STS: variants seen among roughly 807,000 people sequenced by gnomAD.
The protein encoded by STS is steroid sulfatase.
A neutral mutation model predicts 26.8 loss-of-function variants in STS; 7 were observed. The observed-to-expected ratio is 0.26, with a 90% CI of 0.15 to 0.49. The LOEUF (loss-of-function observed/expected upper bound fraction) is 0.49, where lower values mean the gene tolerates loss of function less well. STS is among the 20% of genes least tolerant of loss of function. The pLI is 0.98. For missense variants in STS, 434 were observed against 465.6 expected (o/e 0.93, Z 0.63); for synonymous variants, 199 against 189.4 (o/e 1.05, Z -0.42).
At chrX:7,324,853 G>A (rs765091154) in intron 8 of STS, among the ~76,000 whole-genome samples, 1 of 111,742 alleles carries the variant, frequency 8.9e-6, no homozygotes, top group South Asian at 3.8e-4. Context: ...AGACAATGCA[G>A]GGTAATCTCC....
intron 7 of STS, among the ~76,000 whole-genome samples, chrX:7,288,753 G>T (rs757589291): frequency 2.8e-5 from 3 of 108,552 alleles, no homozygotes; most frequent in African/African-American, 1.0e-4. Flanking sequence ...ACTCTTGGCT[G>T]GTGTGGGACC....
intron 10 of STS, among the ~76,000 whole-genome samples, chrX:7,339,882 A>G (rs1432630758): frequency 9.0e-6 from 1 of 110,771 alleles, no homozygotes; most frequent in African/African-American, 3.3e-5. Context: ...GTATCAGACA[A>G]TATTTGAGAT....
intron 1 of STS, among the ~76,000 whole-genome samples, chrX:7,183,032 G>A (rs1488383337): frequency 3.6e-5 from 4 of 111,975 alleles, no homozygotes; most frequent in South Asian, 3.7e-4. Context: ...GTGAAGACAC[G>A]CAGCACAAAT....
intron 1 of STS, among the ~76,000 whole-genome samples, chrX:7,164,717 A>C (rs1455513775): frequency 9.1e-6 from 1 of 110,478 alleles, no homozygotes; most frequent in Non-Finnish European, 1.9e-5. Flanking sequence ...AAAAAAAGAA[A>C]ACAAAAGTAC....
At chrX:7,192,441 G>T (rs1415242104) in intron 2 of STS, among the ~76,000 whole-genome samples, 1 of 111,588 alleles carries the variant, frequency 9.0e-6, no homozygotes, top group Non-Finnish European at 1.9e-5. Context: ...CCATGCACCT[G>T]TAGTACCAGC....
chrX:7,241,619 T>C (rs887517049), intron 2 of STS, among the ~76,000 whole-genome samples: 14 of 112,310 alleles, frequency 1.2e-4, no homozygotes, highest in African/African-American at 4.2e-4. Context: ...GGGAGCTTTT[T>C]TCTCGTCCTC....
At chrX:7,183,188 G>A (rs1465735339) in intron 1 of STS, among the ~76,000 whole-genome samples, 6 of 111,172 alleles carry the variant, frequency 5.4e-5, no homozygotes, top group African/African-American at 1.6e-4. Flanking sequence ...ATGTACTTTT[G>A]CACAGGTCTT....
intron 2 of STS, among the ~76,000 whole-genome samples, chrX:7,204,595 T>C (rs1184864926): frequency 1.1e-5 from 1 of 93,826 alleles, no homozygotes; most frequent in African/African-American, 3.9e-5. Context: ...CTCCTTTCTC[T>C]CCATCTTCTT....
At chrX:7,294,215 A>G (rs1186694503) in intron 7 of STS, among the ~76,000 whole-genome samples, 2 of 111,198 alleles carry the variant, frequency 1.8e-5, no homozygotes, top group African/African-American at 6.5e-5. Context: ...CCTGAAACTA[A>G]TATTATCTTA....
At chrX:7,313,444 A>G (rs1208052089) in intron 8 of STS, among the ~76,000 whole-genome samples, 1 of 112,229 alleles carries the variant, frequency 8.9e-6, no homozygotes, top group Non-Finnish European at 1.9e-5. Context: ...TTATTGTGAG[A>G]GAAAAATAGT....
rs1927388748 is a variant in STS, at chrX:7,325,445, G to A, written c.1188G>A (p.Met396Ile). 1 of 1,211,462 alleles carries A rather than the reference G, an allele frequency of 8.3e-7. No homozygotes were observed. Among genetic ancestry groups the A allele is most frequent in the Non-Finnish European group, 1.1e-6 (1 of 895,341 alleles). The change falls in exon 9 of 11, where the codon ATG becomes ATA. Residue 396 changes from methionine to isoleucine, a missense_variant. Physicochemically the swap from Met to Ile is conservative, Grantham distance 10. Transcript: ENST00000674429. ...AGATTGATGAGCCCACTAGCAACAT[G>A]GACATATTTCCTACAGTAGCCAAGC... ...GQKIDEPTSNMDIFPTVAKLA... is the reference protein window; with the variant it reads ...GQKIDEPTSNIDIFPTVAKLA...
At chrX:7,246,751 A>G (rs2147074986) in intron 2 of STS, among the ~76,000 whole-genome samples, 1 of 112,258 alleles carries the variant, frequency 8.9e-6, no homozygotes, top group African/African-American at 3.2e-5. Context: ...ATGATCCATT[A>G]GTTACACTCT....
chrX:7,191,272 G>A (rs1328851807), intron 2 of STS, among the ~76,000 whole-genome samples: 1 of 112,103 alleles, frequency 8.9e-6, no homozygotes, highest in African/African-American at 3.2e-5. Context: ...TGGGCCAATG[G>A]GGGCAGCGTG....
At chrX:7,206,667 G>A (rs1180822385) in intron 2 of STS, among the ~76,000 whole-genome samples, 6 of 111,634 alleles carry the variant, frequency 5.4e-5, no homozygotes, top group African/African-American at 2.0e-4. Flanking sequence ...AGAGCTGTGT[G>A]ATCCAAGGGC....
intron 9 of STS, among the ~76,000 whole-genome samples, chrX:7,330,581 G>A (rs1927699203): frequency 8.9e-6 from 1 of 112,569 alleles, no homozygotes; most frequent in South Asian, 3.7e-4. Context: ...TTTGTCTAAT[G>A]GAGACAAGGA....
intron 1 of STS, among the ~76,000 whole-genome samples, chrX:7,167,627 A>G (rs1933378834): frequency 8.9e-6 from 1 of 112,223 alleles, no homozygotes. Flanking sequence ...TACCAAGGCC[A>G]GCAGGAGAAG....
In STS at chrX:7,147,721, A is replaced by G. The variant is rs1170932240; in HGVS notation, c.-496A>G. 8.9e-6 allele frequency: 1 copy of G among 112,532 alleles called. No homozygotes were observed. Among genetic ancestry groups the G allele is most frequent in the Admixed American group, 9.3e-5 (1 of 10,756 alleles). 9.3% of individuals were successfully genotyped at this position (112,532 alleles called of 1,213,427 possible). A position where few individuals can be genotyped will look rare whatever the true frequency, so the allele number is the denominator to read the frequency against. ...GGTCCCGCCGCGCCTCGCTCTGAGG[A>G]GAGGACGCGGAGCCGCGCGCCCGCC... On this transcript the variant is annotated 5_prime_UTR_variant, in exon 1 of 11. Transcript: ENST00000674429.
chrX:7,326,125 G>A (rs1466695342), intron 9 of STS, among the ~76,000 whole-genome samples: 4 of 110,809 alleles, frequency 3.6e-5, no homozygotes, highest in African/African-American at 9.9e-5. Flanking sequence ...TGAGAGACAG[G>A]AGGGCAGGAG....
At chrX:7,192,950 G>A (rs1933905006) in intron 2 of STS, among the ~76,000 whole-genome samples, 1 of 112,703 alleles carries the variant, frequency 8.9e-6, no homozygotes, top group African/African-American at 3.2e-5. Flanking sequence ...CCTGCTCACT[G>A]CAACAAGAGG....
Sources: gnomAD v4.1 joint callset for allele counts (sites outside exome capture counted in the v4.1 genomes callset) on GRCh38, gnomAD v4.1.1 for gene constraint, MANE v1.5 for transcripts, NCBI Gene and HGNC (gene_info 2026-07-23, HGNC 2026-07-21) for gene names.